CYP27C1: variants seen among roughly 807,000 people sequenced by gnomAD.
The protein encoded by CYP27C1 is cytochrome P450 family 27 subfamily C member 1.
A neutral mutation model predicts 40.6 loss-of-function variants in CYP27C1; 29 were observed. That is an observed-to-expected ratio of 0.71 (90% confidence interval 0.53 to 0.97). CYP27C1 has a LOEUF of 0.97. CYP27C1 is among the 50% of genes least tolerant of loss of function. CYP27C1 has a pLI of 0.00. For missense variants in CYP27C1, 390 were observed against 485.8 expected (o/e 0.80, Z 1.85); for synonymous variants, 198 against 186.8 (o/e 1.06, Z -0.49).
chr2:127,191,024 T>A (rs559683236), intron 8 of CYP27C1, among the ~76,000 whole-genome samples: 2 of 150,902 alleles, frequency 1.3e-5, no homozygotes, highest in East Asian at 3.9e-4. Flanking sequence ...GGCAGGTGGA[T>A]CACTTGAGGT....
At chr2:127,192,624 G>C (rs59480446) in intron 8 of CYP27C1, among the ~76,000 whole-genome samples, 20 of 137,722 alleles carry the variant, frequency 1.5e-4, no homozygotes, top group Non-Finnish European at 2.3e-4. Flanking sequence ...TTTCCCGGGG[G>C]GGGGGGCTGC....
intron 1 of CYP27C1, among the ~76,000 whole-genome samples, chr2:127,211,363 T>A (rs561195696): frequency 0.019 from 1,829 of 95,902 alleles, 56 homozygotes; most frequent in African/African-American, 0.057. Context: ...AAAGCAGTGT[T>A]TTTTTGTTTT....
At chr2:127,217,903 A>C (rs1487743610) in intron 1 of CYP27C1, among the ~76,000 whole-genome samples, 3 of 152,214 alleles carry the variant, frequency 2.0e-5, no homozygotes, top group African/African-American at 7.2e-5. Flanking sequence ...GGGAGTCCTC[A>C]GAGGGGCTGC....
At chr2:127,192,860 G>A (rs1682813602) in intron 8 of CYP27C1, among the ~76,000 whole-genome samples, 1 of 113,570 alleles carries the variant, frequency 8.8e-6, no homozygotes, top group African/African-American at 3.3e-5. Flanking sequence ...GCCCAGGCTG[G>A]AGTGCCGTGG....
rs1438265372 is a variant in CYP27C1 at position 127,214,156 on chromosome 2, T to G, written c.282+5833A>C. 7.7e-4 allele frequency among the ~76,000 whole-genome samples: 117 copies of G among 152,186 alleles called. 2 individuals are homozygous for G. The highest frequency in any genetic ancestry group is 7.5e-3 in the Admixed American group (115 of 15,282). ...TCACACCAGTCAGAATGGTGATTAC[T>G]AAAAAGTCAGGAATAGATGCTGGCA... On this transcript the variant is annotated intron_variant, in intron 1 of 8. Coordinates refer to ENST00000664447, the MANE Select transcript of CYP27C1 (RefSeq NM_001367502.1).
At position 127,204,553 on chromosome 2, in the gene CYP27C1, GAGAGAAAGAAAGAAAGAAAGAAAGAA is replaced by G. The variant is rs1445159605; in HGVS notation, c.474-1008_474-983del. On this transcript the variant is annotated intron_variant, in intron 2 of 8. Coordinates refer to ENST00000664447, the MANE Select transcript of CYP27C1 (RefSeq NM_001367502.1). ...AGAAAGAAAGAGAGAGAGAGAGAGA[GAGAGAAAGAAAGAAAGAAAGAAAGAA>G]AGAAAGAAAGAAAGAAAGAAAGAAA... Among the ~76,000 whole-genome samples, 30 of 70,538 alleles carry G rather than the reference GAGAGAAAGAAAGAAAGAAAGAAAGAA, an allele frequency of 4.3e-4. 2 individuals are homozygous for G. Among genetic ancestry groups the G allele is most frequent in the African/African-American group, 1.5e-3 (26 of 17,312 alleles). 46.3% of individuals were successfully genotyped at this position (70,538 alleles called of 152,430 possible). A position where few individuals can be genotyped will look rare whatever the true frequency, so the allele number is the denominator to read the frequency against.
intron 1 of CYP27C1, among the ~76,000 whole-genome samples, chr2:127,207,671 A>C (rs565850888): frequency 2.6e-4 from 39 of 149,482 alleles, no homozygotes; most frequent in Admixed American, 6.1e-4. Flanking sequence ...CTCTGTCACA[A>C]AAAAAAAAAT....
At position 127,203,517 on chromosome 2, in the gene CYP27C1, T is replaced by C. The variant is rs1683090703; in HGVS notation, c.528A>G (p.Lys176=). ...CAGAATAAATGGCCACATCTTTCGG[T>C]TTCAGAATTCTTTGTCTCAATACGC... ...MRSVLRQRIL[K]PKDVAIYSGE... The change falls in exon 3 of 9, where the codon AAA becomes AAG. Residue 176 remains lysine, a synonymous_variant. Transcript: ENST00000664447. 1 of 1,614,048 alleles carries C rather than the reference T, an allele frequency of 6.2e-7. No individual in the cohort carries two copies. The highest frequency in any genetic ancestry group is 1.7e-5 in the Admixed American group (1 of 60,012).
intron 2 of CYP27C1, among the ~76,000 whole-genome samples, chr2:127,204,585 G>GAA (rs1553503390): frequency 1.1e-5 from 1 of 91,922 alleles, no homozygotes; most frequent in East Asian, 3.8e-4. Flanking sequence ...AAGAAAGAAA[G>GAA]AAAGAAAGAA....
intron 8 of CYP27C1, among the ~76,000 whole-genome samples, chr2:127,192,695 G>A (rs548343160): frequency 3.1e-5 from 2 of 65,086 alleles, no homozygotes; most frequent in East Asian, 6.5e-4. Flanking sequence ...AGGTGGAGGC[G>A]GGGTCCCCAA....
In CYP27C1 at chr2:127,209,547, T is replaced by C. The variant is rs1683297348; in HGVS notation, c.283-3457A>G. ...ATTGACAGAAGTACACTTCAGAAGA[T>C]GGGTAATAAAAAACTGCGATGACCT... On this transcript the variant is annotated intron_variant, in intron 1 of 8. Coordinates refer to ENST00000664447, the MANE Select transcript of CYP27C1 (RefSeq NM_001367502.1). This position sits in a 1 kb window ranked among gnomAD's most constrained non-coding sequence, Gnocchi z 4.1. 1.3e-5 allele frequency among the ~76,000 whole-genome samples: 2 copies of C among 152,110 alleles called. No individual in the cohort carries two copies. The highest frequency in any genetic ancestry group is 4.1e-4 in the South Asian group (2 of 4,824).
rs1030966291 is a variant in CYP27C1 at position 127,196,468 on chromosome 2, T to C, written c.1048-967A>G. Among the ~76,000 whole-genome samples the C allele has an allele frequency of 2.0e-5, 3 of 152,118 alleles. No homozygotes were observed. The highest frequency in any genetic ancestry group is 7.2e-5 in the African/African-American group (3 of 41,420). The stretch of plus-strand genomic sequence containing the variant: ...TCGCTAAAATCAATAGTATCATCTA[T>C]GGGACTACATTTCACTCTCTAGTAA... On this transcript the variant is annotated intron_variant, in intron 5 of 8. Coordinates refer to ENST00000664447, the MANE Select transcript of CYP27C1 (RefSeq NM_001367502.1). The surrounding 1 kb of genome is among the most constrained non-coding windows in gnomAD (Gnocchi z 4.5).
At position 127,204,625 on chromosome 2, in the gene CYP27C1, G is replaced by GAAAGAAAGAAAGAAAGAAAGA. The variant is rs112099461; in HGVS notation, c.474-1055_474-1054insTCTTTCTTTCTTTCTTTCTTT. 1.8e-3 allele frequency among the ~76,000 whole-genome samples: 173 copies of GAAAGAAAGAAAGAAAGAAAGA among 94,222 alleles called. 14 individuals carry two copies. The highest frequency in any genetic ancestry group is 3.8e-3 in the African/African-American group (91 of 24,106). 61.8% of individuals were successfully genotyped at this position (94,222 alleles called of 152,430 possible). ...AGAAAGAAAGAAAGAAAGAAAGAAA[G>GAAAGAAAGAAAGAAAGAAAGA]AAGACTGCAGCTTGTTACCAGGGTG... On this transcript the variant is annotated intron_variant, in intron 2 of 8. Coordinates refer to ENST00000664447, the MANE Select transcript of CYP27C1 (RefSeq NM_001367502.1).
intron 2 of CYP27C1, 191 bp downstream of exon 2, chr2:127,205,709 G>C (rs1421090254): frequency 1.2e-5 from 12 of 985,432 alleles, no homozygotes; most frequent in Non-Finnish European, 1.4e-5. Context: ...ACTCTGCACG[G>C]AGGAGGAGCC....
chr2:127,185,537 G>A lies in CYP27C1; in HGVS notation c.*1734C>T, dbSNP rs886955668. ...AATATACGTATACTGCTACCTCAAA[G>A]TAATCAATCCAACACTTGGCCAGTT... On this transcript the variant is annotated 3_prime_UTR_variant, in exon 9 of 9. Transcript: ENST00000664447. The surrounding 1 kb of genome is among the most constrained non-coding windows in gnomAD (Gnocchi z 4.9). The A allele has an allele frequency of 6.6e-6, 1 of 152,156 alleles. No individual in the cohort carries two copies. Among genetic ancestry groups the A allele is most frequent in the African/African-American group, 2.4e-5 (1 of 41,424 alleles). The allele number at this position is 152,156 out of a possible 1,614,324, so 9.4% of individuals were successfully genotyped here.
intron 8 of CYP27C1, among the ~76,000 whole-genome samples, chr2:127,192,215 G>A (rs1210914277): frequency 1.3e-5 from 2 of 152,122 alleles, no homozygotes; most frequent in African/African-American, 4.8e-5. Flanking sequence ...TGCTTTCTGA[G>A]CCTCGGTTTC....
chr2:127,198,737 C>T (rs1339440988), intron 5 of CYP27C1, among the ~76,000 whole-genome samples: 2 of 152,208 alleles, frequency 1.3e-5, no homozygotes, highest in African/African-American at 4.8e-5. Context: ...ACATTCCGTA[C>T]AGTTGTGTAG....
At chr2:127,211,915 G>T (rs1683345954) in intron 1 of CYP27C1, among the ~76,000 whole-genome samples, 1 of 151,522 alleles carries the variant, frequency 6.6e-6, no homozygotes, top group Non-Finnish European at 1.5e-5. Context: ...CTGGTTTTTG[G>T]AAAAAATTAA....
chr2:127,216,796 AGGGCTGGGCT>A (rs1438233042), intron 1 of CYP27C1, among the ~76,000 whole-genome samples: 1 of 152,242 alleles, frequency 6.6e-6, no homozygotes, highest in East Asian at 1.9e-4. Flanking sequence ...TGACACAGAC[AGGGCTGGGCT>A]GGGGAAAGTT....
Sources: gnomAD v4.1 joint callset for allele counts (sites outside exome capture counted in the v4.1 genomes callset) on GRCh38, gnomAD v4.1.1 for gene constraint, Gnocchi (gnomAD v3.1) non-coding constraint, MANE v1.5 for transcripts, NCBI Gene and HGNC (gene_info 2026-07-23, HGNC 2026-07-21) for gene names.